The following ALK variants were observed in gnomAD, a reference collection of about 807,000 sequenced individuals.
ALK encodes ALK receptor tyrosine kinase.
A neutral mutation model predicts 163.1 loss-of-function variants in ALK; 74 were observed. The observed-to-expected ratio is 0.45, with a 90% CI of 0.38 to 0.55. The LOEUF (loss-of-function observed/expected upper bound fraction) is 0.55. ALK is among the 20% of genes least tolerant of loss of function. The pLI, the probability that ALK is intolerant of heterozygous loss-of-function variation, is 0.00. For synonymous variants in ALK, 960 were observed against 843.2 expected (o/e 1.14, Z -2.40); for missense variants, 2,063 against 2,105.3 (o/e 0.98, Z 0.39).
intron 1 of ALK, among the ~76,000 whole-genome samples, chr2:29,847,422 A>G (rs1665875942): frequency 6.6e-6 from 1 of 152,190 alleles, no homozygotes; most frequent in Non-Finnish European, 1.5e-5. Context: ...GGGGATTTTA[A>G]TAAAAGCAAC....
intron 12 of ALK, among the ~76,000 whole-genome samples, chr2:29,244,534 C>T (rs1388349463): frequency 6.6e-6 from 1 of 152,188 alleles, no homozygotes; most frequent in Admixed American, 6.5e-5. Context: ...TCTCCCTTAG[C>T]ACCTTCCTGG....
At chr2:29,458,571 C>A (rs1312552952) in intron 4 of ALK, among the ~76,000 whole-genome samples, 1 of 152,114 alleles carries the variant, frequency 6.6e-6, no homozygotes, top group Non-Finnish European at 1.5e-5. Context: ...CTTAACATTT[C>A]TTATTGACCT....
At chr2:29,491,851 C>G (rs933150730) in intron 4 of ALK, among the ~76,000 whole-genome samples, 1 of 152,152 alleles carries the variant, frequency 6.6e-6, no homozygotes, top group African/African-American at 2.4e-5. Flanking sequence ...ACATACCAGG[C>G]CTTCTCTTCT....
At chr2:29,367,571 T>G (rs1226822949) in intron 5 of ALK, among the ~76,000 whole-genome samples, 1 of 152,246 alleles carries the variant, frequency 6.6e-6, no homozygotes, top group Non-Finnish European at 1.5e-5. Flanking sequence ...CAAATTCTTC[T>G]GTTCCATTGT....
At chr2:29,824,127 A>C (rs1412712767) in intron 1 of ALK, among the ~76,000 whole-genome samples, 1 of 152,200 alleles carries the variant, frequency 6.6e-6, no homozygotes, top group Non-Finnish European at 1.5e-5. Context: ...TGGAAGCCCC[A>C]AACCTTAGCA....
At chr2:29,595,004 T>C (rs921297363) in intron 3 of ALK, among the ~76,000 whole-genome samples, 1 of 151,056 alleles carries the variant, frequency 6.6e-6, no homozygotes, top group Non-Finnish European at 1.5e-5. Context: ...TAATTTTAAA[T>C]GGAAAGGAAG....
chr2:29,213,117 GTTA>G (rs1669508051), intron 24 of ALK, among the ~76,000 whole-genome samples: 1 of 152,174 alleles, frequency 6.6e-6, no homozygotes, highest in Non-Finnish European at 1.5e-5. Context: ...AGTTCACCAG[GTTA>G]TTATTTACTA....
At chr2:29,775,889 A>G (rs564069755) in intron 1 of ALK, among the ~76,000 whole-genome samples, 130 of 152,340 alleles carry the variant, frequency 8.5e-4, no homozygotes, top group Non-Finnish European at 1.2e-3. Flanking sequence ...CATAAAGGTC[A>G]GGGCACCATG....
intron 3 of ALK, among the ~76,000 whole-genome samples, chr2:29,667,653 T>C (rs1052059349): frequency 1.3e-5 from 2 of 152,086 alleles, no homozygotes; most frequent in African/African-American, 4.8e-5. Context: ...TTGGTCATGG[T>C]GAATAATATT....
At chr2:29,726,409 T>C (rs953016159) in intron 1 of ALK, among the ~76,000 whole-genome samples, 6 of 152,292 alleles carry the variant, frequency 3.9e-5, no homozygotes, top group African/African-American at 1.2e-4. Context: ...ATTAATATAC[T>C]GAAAGCGATA....
chr2:29,750,904 T>C (rs750420952), intron 1 of ALK, among the ~76,000 whole-genome samples: 19 of 151,888 alleles, frequency 1.3e-4, no homozygotes, highest in Non-Finnish European at 2.2e-4. Context: ...ACCCCATCTC[T>C]ACTAAAAATA....
At chr2:29,650,948 G>A (rs1438695727) in intron 3 of ALK, among the ~76,000 whole-genome samples, 1 of 152,110 alleles carries the variant, frequency 6.6e-6, no homozygotes. Flanking sequence ...TAATTCAATT[G>A]GAAAATTGGG....
chr2:29,271,766 A>C (rs1380583743), intron 11 of ALK, among the ~76,000 whole-genome samples: 1 of 152,106 alleles, frequency 6.6e-6, no homozygotes, highest in African/African-American at 2.4e-5. Flanking sequence ...ATATAGTTTT[A>C]ATTGCTTTTA....
intron 3 of ALK, among the ~76,000 whole-genome samples, chr2:29,625,037 C>T (rs947562250): frequency 2.6e-5 from 4 of 152,260 alleles, no homozygotes; most frequent in Non-Finnish European, 4.4e-5. Flanking sequence ...GTGGTATGGA[C>T]GTGAGTGTGT....
chr2:29,275,039 T>C, intron 11 of ALK, 60 bp downstream of exon 11: 1 of 1,609,988 alleles, frequency 6.2e-7, no homozygotes, highest in Non-Finnish European at 8.5e-7. Context: ...AGCACCAATC[T>C]TTCTTCTGCC....
At chr2:29,637,598 A>C (rs1558419876) in intron 3 of ALK, among the ~76,000 whole-genome samples, 1 of 151,714 alleles carries the variant, frequency 6.6e-6, no homozygotes, top group Non-Finnish European at 1.5e-5. Flanking sequence ...AATACCAACT[A>C]CTTGGGAGGC....
intron 3 of ALK, among the ~76,000 whole-genome samples, chr2:29,607,681 C>T (rs1002717263): frequency 1.2e-4 from 18 of 152,170 alleles, no homozygotes; most frequent in Admixed American, 1.2e-3. Flanking sequence ...TGGGACCCCA[C>T]TCTCTCAGTT....
intron 1 of ALK, among the ~76,000 whole-genome samples, chr2:29,918,519 G>A (rs1667894901): frequency 6.6e-6 from 1 of 152,136 alleles, no homozygotes; most frequent in Admixed American, 6.5e-5. Flanking sequence ...TGCCTCTTAG[G>A]ATGGTCTATA....
chr2:29,764,753 AT>A (rs1301431892), intron 1 of ALK, among the ~76,000 whole-genome samples: 1 of 152,238 alleles, frequency 6.6e-6, no homozygotes, highest in Non-Finnish European at 1.5e-5. Context: ...TAAGGTTGCT[AT>A]ATCATGTTAA....
Sources: allele counts gnomAD v4.1 joint callset (sites outside exome capture counted in the v4.1 genomes callset), GRCh38; gene constraint gnomAD v4.1.1; transcripts MANE v1.5; gene names NCBI Gene and HGNC (gene_info 2026-07-23, HGNC 2026-07-21).